Variants in SLC14A2 observed in about 807,000 individuals in gnomAD.
SLC14A2 encodes the protein urea transporter 2.
SLC14A2 carries 91 observed loss-of-function variants against 104.6 expected under a neutral mutation model. That is an observed-to-expected ratio of 0.87 (90% CI 0.73 to 1.04). The LOEUF is 1.04. Ranked by LOEUF, SLC14A2 falls within the 50% of genes least tolerant of loss-of-function variation. The probability of loss-of-function intolerance (pLI) is 0.00; values close to 1 mark genes in which losing one functional copy is unlikely to be tolerated. For synonymous variants in SLC14A2, 476 were observed against 466.4 expected (o/e 1.02, Z -0.27); for missense variants, 1,189 against 1,156.0 (o/e 1.03, Z -0.41).
At chr18:45,198,291 T>C in the SLC14A2 span, among the ~76,000 whole-genome samples, 1 of 152,174 alleles carries the variant, frequency 6.6e-6, no homozygotes, top group South Asian at 2.1e-4. Context: ...GTCTCTTTTT[T>C]AATACACAAA....
intron 10 of SLC14A2, among the ~76,000 whole-genome samples, chr18:45,648,101 TACC>T (rs200699386): frequency 0.015 from 2,210 of 152,152 alleles, 47 homozygotes; most frequent in African/African-American, 0.05. Context: ...TATAATTAGT[TACC>T]ACATTGTTTG....
intron 1 of SLC14A2, among the ~76,000 whole-genome samples, chr18:45,354,669 C>T (rs1430883967): frequency 6.6e-6 from 1 of 152,186 alleles, no homozygotes; most frequent in Non-Finnish European, 1.5e-5. Context: ...AGCCACTGCT[C>T]TGGTAAAGGA....
intron 1 of SLC14A2, among the ~76,000 whole-genome samples, chr18:45,475,007 G>A (rs1212092361): frequency 6.6e-6 from 1 of 152,068 alleles, no homozygotes; most frequent in Admixed American, 6.5e-5. Flanking sequence ...TTTCTCCTGT[G>A]GGCATTTAAT....
the SLC14A2 span, among the ~76,000 whole-genome samples, chr18:45,170,298 A>G: frequency 1.3e-5 from 2 of 152,136 alleles, no homozygotes; most frequent in African/African-American, 2.4e-5. Context: ...GGAGCATTAG[A>G]GACAGAAGCA....
intron 1 of SLC14A2, among the ~76,000 whole-genome samples, chr18:45,316,380 C>A (rs1186659898): frequency 6.6e-6 from 1 of 152,040 alleles, no homozygotes; most frequent in Non-Finnish European, 1.5e-5. Flanking sequence ...AAGAGGAGGT[C>A]GGAGTGTGGG....
At chr18:45,287,328 G>A (rs926510739) in intron 1 of SLC14A2, among the ~76,000 whole-genome samples, 2 of 152,216 alleles carry the variant, frequency 1.3e-5, no homozygotes, top group South Asian at 2.1e-4. Context: ...TGCAATAACA[G>A]CATATTGATT....
chr18:45,244,643 G>C (rs542641673), intron 1 of SLC14A2, among the ~76,000 whole-genome samples: 3 of 152,156 alleles, frequency 2.0e-5, no homozygotes, highest in East Asian at 3.9e-4. Context: ...AAAGGAGTGG[G>C]GGGGTGGGGG....
intron 10 of SLC14A2, among the ~76,000 whole-genome samples, chr18:45,653,152 T>C (rs1599126392): frequency 6.6e-6 from 1 of 152,006 alleles, no homozygotes; most frequent in Non-Finnish European, 1.5e-5. Context: ...AACCAGCAGA[T>C]AGCCATGGAT....
At position 45,410,029 on chromosome 18, in the gene SLC14A2, A is replaced by C. The variant is rs939911922; in HGVS notation, c.-124-73204A>C. On this transcript the variant is annotated intron_variant, in intron 1 of 20. Coordinates refer to the SLC14A2 transcript ENST00000586448. Reference sequence around the variant, plus strand: ...GGGGCAGCGGGTGGTGATGGGAGACAGTGACAGATCATCAGGAATTAGATT... The same window carrying C: ...GGGGCAGCGGGTGGTGATGGGAGACCGTGACAGATCATCAGGAATTAGATT... 6.8e-4 allele frequency among the ~76,000 whole-genome samples: 103 copies of C among 152,310 alleles called. 1 individual carries two copies. The highest frequency in any genetic ancestry group is 1.0e-4 in the Non-Finnish European group (7 of 68,032).
At chr18:45,668,144 G>A in intron 14 of SLC14A2, 122 bp downstream of exon 14, 1 of 1,146,262 alleles carries the variant, frequency 8.7e-7, no homozygotes, top group South Asian at 1.5e-5. Context: ...AAAAATGACT[G>A]TTCCCTGGTT....
chr18:45,188,701 C>G, the SLC14A2 span, among the ~76,000 whole-genome samples: 1 of 152,142 alleles, frequency 6.6e-6, no homozygotes, highest in Non-Finnish European at 1.5e-5. Context: ...TTTGCCTTGT[C>G]CCTCCCAGAC....
intron 2 of SLC14A2, among the ~76,000 whole-genome samples, chr18:45,593,039 C>T (rs529328717): frequency 3.5e-4 from 54 of 152,230 alleles, no homozygotes; most frequent in African/African-American, 1.1e-3. Flanking sequence ...CATGTGAGGC[C>T]GGGCGCCGTG....
rs2144631793 is a variant in SLC14A2, at chr18:45,667,022, A to G, written c.1645A>G (p.Ser549Gly). The G allele has an allele frequency of 2.5e-6, 4 of 1,613,958 alleles. No individual in the cohort carries two copies. In the South Asian group the frequency reaches 4.4e-5, roughly 18 times the overall value. Residue 549 changes from serine to glycine, a missense_variant, in exon 13 of 20, where the codon AGT (serine) becomes GGT (glycine). Coordinates refer to ENST00000255226, the MANE Select transcript of SLC14A2 (RefSeq NM_007163.4). ...CTGGATTCGGAGTTCCATGGCTGCC[A>G]GTGGGAAAAGGGTCAGCAAAGCCCT... ...TSWIRSSMAA[S>G]GKRVSKALSY...
rs528756978 is a variant in SLC14A2, at chr18:45,242,172, G to A, written c.-125+28981G>A. Among the ~76,000 whole-genome samples the A allele has an allele frequency of 3.9e-5, 6 of 152,208 alleles. No individual in the cohort carries two copies. In the South Asian group the frequency reaches 6.2e-4, roughly 16 times the overall value. ...TCCTGGGGGTTTGGGAGCAGATGACGCTAAGCCCAGGCCCAGTTTGCTCTA... is the reference window on the plus strand; with the variant it reads ...TCCTGGGGGTTTGGGAGCAGATGACACTAAGCCCAGGCCCAGTTTGCTCTA... On this transcript the variant is annotated intron_variant, in intron 1 of 20. Transcript: ENST00000586448.
chr18:45,256,040 C>T (rs370092810), intron 1 of SLC14A2, among the ~76,000 whole-genome samples: 1 of 152,152 alleles, frequency 6.6e-6, no homozygotes, highest in Non-Finnish European at 1.5e-5. Context: ...GCCTTTGTCT[C>T]GCCCACTGAC....
the SLC14A2 span, among the ~76,000 whole-genome samples, chr18:45,192,090 C>T: frequency 3.3e-5 from 5 of 152,308 alleles, no homozygotes; most frequent in East Asian, 9.6e-4. Context: ...TTCAACTGTG[C>T]TTCATTGAAC....
At chr18:45,279,812 C>T (rs192261139) in intron 1 of SLC14A2, among the ~76,000 whole-genome samples, 6 of 152,322 alleles carry the variant, frequency 3.9e-5, no homozygotes, top group Admixed American at 3.9e-4. Context: ...CCCATGAGAA[C>T]AGAAGCTGCC....
intron 19 of SLC14A2, among the ~76,000 whole-genome samples, chr18:45,680,919 T>C (rs1043981852): frequency 2.0e-5 from 3 of 152,224 alleles, no homozygotes; most frequent in South Asian, 2.1e-4. Context: ...TCATCACTCA[T>C]GGGTGCCCCT....
At chr18:45,232,323 G>A (rs1011755386) in intron 1 of SLC14A2, among the ~76,000 whole-genome samples, 3 of 152,122 alleles carry the variant, frequency 2.0e-5, no homozygotes, top group Non-Finnish European at 4.4e-5. Flanking sequence ...CACACTTTCA[G>A]CCAGTCAGAT....
Sources: allele counts gnomAD v4.1 joint callset (sites outside exome capture counted in the v4.1 genomes callset), GRCh38; gene constraint gnomAD v4.1.1; transcripts MANE v1.5; gene names NCBI Gene and HGNC (gene_info 2026-07-23, HGNC 2026-07-21).